Variants in THRB observed in about 807,000 individuals in gnomAD.
THRB encodes the protein nuclear receptor subfamily 1 group A member 2.
A neutral mutation model predicts 47.8 loss-of-function variants in THRB; 12 were observed. That is an observed-to-expected ratio of 0.25 (90% CI 0.16 to 0.41). The LOEUF (loss-of-function observed/expected upper bound fraction) is 0.41. THRB is among the 10% of genes least tolerant of loss of function. THRB has a pLI of 1.00. For missense variants in THRB, 348 were observed against 589.2 expected, an observed-to-expected ratio of 0.59 and a Z score of 4.24; for synonymous variants, 218 against 212.2, an observed-to-expected ratio of 1.03 and a Z score of -0.24.
intron 10 of THRB, among the ~76,000 whole-genome samples, chr3:24,123,558 A>G (rs929911670): frequency 2.6e-5 from 4 of 152,184 alleles, no homozygotes; most frequent in Admixed American, 2.6e-4. Flanking sequence ...GACTGGGGAC[A>G]TTGCAGCAGG....
At chr3:24,246,402 A>C (rs531735838) in intron 3 of THRB, among the ~76,000 whole-genome samples, 2 of 152,332 alleles carry the variant, frequency 1.3e-5, no homozygotes, top group South Asian at 2.1e-4. Flanking sequence ...TACTTCATGC[A>C]CTGGTTGTAC....
At chr3:24,279,072 C>T (rs1405623490) in intron 3 of THRB, among the ~76,000 whole-genome samples, 9 of 152,160 alleles carry the variant, frequency 5.9e-5, no homozygotes, top group South Asian at 2.1e-4. Flanking sequence ...CTTGAACTCC[C>T]GGCTTCAAGT....
At chr3:24,203,161 C>T (rs2044803555) in intron 4 of THRB, among the ~76,000 whole-genome samples, 1 of 152,184 alleles carries the variant, frequency 6.6e-6, no homozygotes, top group African/African-American at 2.4e-5. Context: ...GCCTGGAATC[C>T]CAGCACTTTG....
At chr3:24,171,381 A>G (rs2040413878) in intron 5 of THRB, among the ~76,000 whole-genome samples, 1 of 152,182 alleles carries the variant, frequency 6.6e-6, no homozygotes, top group African/African-American at 2.4e-5. Context: ...CCAACTTTAA[A>G]GCAGCCCTCC....
chr3:24,250,703 A>G (rs1198085142), intron 3 of THRB, among the ~76,000 whole-genome samples: 1 of 152,192 alleles, frequency 6.6e-6, no homozygotes, highest in Non-Finnish European at 1.5e-5. Context: ...CCTGTCTCTT[A>G]AAAAGAAAAA....
chr3:24,407,705 T>C (rs917011776), intron 1 of THRB, among the ~76,000 whole-genome samples: 6 of 152,006 alleles, frequency 3.9e-5, no homozygotes, highest in Non-Finnish European at 8.8e-5. Context: ...TATGAACTGA[T>C]GTGCCATTTT....
At chr3:24,213,838 A>C (rs2046303491) in intron 4 of THRB, among the ~76,000 whole-genome samples, 1 of 152,184 alleles carries the variant, frequency 6.6e-6, no homozygotes, top group South Asian at 2.1e-4. Context: ...GGAATGTGAA[A>C]TGTGTCCTCT....
At chr3:24,128,079 C>CT (rs1324150788) in intron 9 of THRB, among the ~76,000 whole-genome samples, 2 of 152,190 alleles carry the variant, frequency 1.3e-5, no homozygotes, top group African/African-American at 4.8e-5. Context: ...TGTATTATAA[C>CT]TTCAACTGAT....
chr3:24,146,640 T>C, intron 7 of THRB, 35 bp downstream of exon 7: 1 of 1,611,740 alleles, frequency 6.2e-7, no homozygotes, highest in South Asian at 1.1e-5. Flanking sequence ...CTAATCAACA[T>C]TCCTTGAATA....
intron 3 of THRB, among the ~76,000 whole-genome samples, chr3:24,292,943 T>C (rs1290373576): frequency 2.0e-5 from 3 of 152,186 alleles, no homozygotes; most frequent in Non-Finnish European, 4.4e-5. Context: ...GTTAAAAAAG[T>C]TTAATTTATT....
intron 4 of THRB, among the ~76,000 whole-genome samples, chr3:24,225,230 T>G (rs918012971): frequency 6.6e-6 from 1 of 152,152 alleles, no homozygotes; most frequent in African/African-American, 2.4e-5. Flanking sequence ...CAGGAAACAG[T>G]ACAAAGATCA....
At chr3:24,314,578 A>G in intron 2 of THRB, among the ~76,000 whole-genome samples, 1 of 152,116 alleles carries the variant, frequency 6.6e-6, no homozygotes, top group Non-Finnish European at 1.5e-5. Flanking sequence ...AAAGGATAAA[A>G]CTCTTTTCCT....
chr3:24,225,357 A>C (rs987053832), intron 4 of THRB, among the ~76,000 whole-genome samples: 2 of 152,170 alleles, frequency 1.3e-5, no homozygotes, highest in Admixed American at 6.5e-5. Context: ...ATACCTTCCC[A>C]CAGTAGGGAA....
At chr3:24,289,157 T>C (rs1326615099) in intron 3 of THRB, among the ~76,000 whole-genome samples, 2 of 152,196 alleles carry the variant, frequency 1.3e-5, no homozygotes, top group African/African-American at 4.8e-5. Flanking sequence ...AGACGAGGGC[T>C]TCATTACTGC....
chr3:24,139,631 C>A (rs1292432140), intron 8 of THRB, among the ~76,000 whole-genome samples: 1 of 152,154 alleles, frequency 6.6e-6, no homozygotes, highest in Non-Finnish European at 1.5e-5. Flanking sequence ...AGCAATCCAC[C>A]CACCTTGGCC....
chr3:24,437,662 A>G (rs543689259), intron 1 of THRB, among the ~76,000 whole-genome samples: 5 of 152,216 alleles, frequency 3.3e-5, no homozygotes, highest in African/African-American at 7.2e-5. Flanking sequence ...ATATATTAAC[A>G]AAAAAGTTTG....
intron 5 of THRB, among the ~76,000 whole-genome samples, chr3:24,157,848 G>A (rs543001366): frequency 6.6e-6 from 1 of 152,214 alleles, no homozygotes; most frequent in South Asian, 2.1e-4. Flanking sequence ...TAATTTTTAG[G>A]GCCAGGTTTG....
At chr3:24,448,449 A>G (rs2072317428) in intron 1 of THRB, among the ~76,000 whole-genome samples, 1 of 152,244 alleles carries the variant, frequency 6.6e-6, no homozygotes, top group South Asian at 2.1e-4. Flanking sequence ...TTAGATAACT[A>G]TGTAAACATT....
At chr3:24,220,317 C>T (rs2149992574) in intron 4 of THRB, among the ~76,000 whole-genome samples, 1 of 152,160 alleles carries the variant, frequency 6.6e-6, no homozygotes, top group Non-Finnish European at 1.5e-5. Flanking sequence ...ATGGCAAGAC[C>T]CCATCTCTAC....
Sources: gnomAD v4.1 joint callset for allele counts (sites outside exome capture counted in the v4.1 genomes callset) on GRCh38, gnomAD v4.1.1 for gene constraint, MANE v1.5 for transcripts, NCBI Gene and HGNC (gene_info 2026-07-23, HGNC 2026-07-21) for gene names.